OR2L5: variants seen among roughly 807,000 people sequenced by gnomAD.
The protein encoded by OR2L5 is olfactory receptor family 2 subfamily L member 5, also known as olfactory receptor 2L5.
For missense variants in OR2L5, 413 were observed against 381.6 expected (o/e 1.08, Z -0.69); for synonymous variants, 169 against 142.0 (o/e 1.19, Z -1.35).
intron 1 of OR2L5, among the ~76,000 whole-genome samples, chr1:248,017,442 T>G (rs942728872): frequency 6.6e-6 from 1 of 152,184 alleles, no homozygotes; most frequent in Admixed American, 6.5e-5. Flanking sequence ...GTTCAAGAGA[T>G]ATCGTAACGT....
chr1:248,015,340 G>A (rs1481428128), intron 1 of OR2L5, among the ~76,000 whole-genome samples: 1 of 152,180 alleles, frequency 6.6e-6, no homozygotes, highest in Non-Finnish European at 1.5e-5. Flanking sequence ...CCAGGATGCT[G>A]TGGAGAGCCG....
rs1662391762 is a variant in OR2L5 at position 248,023,234 on chromosome 1, A to T, written c.*348A>T. ...TTCCCATTATTATTAAAATAAGACA[A>T]AATAACAAATTATTTAAGATTACTG... On this transcript the variant is annotated 3_prime_UTR_variant, in exon 2 of 2. Transcript: ENST00000355281. The T allele has an allele frequency of 1.2e-5, 2 of 160,766 alleles. No individual in the cohort carries two copies. The highest frequency in any genetic ancestry group is 6.0e-5 in the Admixed American group (1 of 16,574). 10.0% of individuals were successfully genotyped at this position (160,766 alleles called of 1,614,324 possible). A position where few individuals can be genotyped will look rare whatever the true frequency, so the allele number is the denominator to read the frequency against.
intron 1 of OR2L5, among the ~76,000 whole-genome samples, chr1:248,018,631 T>G (rs906305234): frequency 1.3e-5 from 2 of 152,246 alleles, no homozygotes; most frequent in African/African-American, 4.8e-5. Context: ...TTTAAATGTT[T>G]TTAATTAGAG....
In OR2L5 at chr1:248,023,640, G is replaced by A. The variant is rs1399289580; in HGVS notation, c.*754G>A. The A allele has an allele frequency of 6.6e-6, 1 of 152,080 alleles. No individual in the cohort carries two copies. The highest frequency in any genetic ancestry group is 1.5e-5 in the Non-Finnish European group (1 of 68,020). The allele number at this position is 152,080 out of a possible 1,614,324, so 9.4% of individuals were successfully genotyped here. On this transcript the variant is annotated 3_prime_UTR_variant, in exon 2 of 2. Coordinates refer to ENST00000355281, the MANE Select transcript of OR2L5 (RefSeq NM_001258284.2). ...CAAAATCAGCAAGTCTATACATCTT[G>A]GATTGGGATCAACTCCTCTGCTCCA... is the stretch of plus-strand genomic sequence containing the variant.
chr1:248,022,421 C>G lies in OR2L5; in HGVS notation c.474C>G (p.His158Gln), dbSNP rs539758024. The G allele has an allele frequency of 1.2e-6, 2 of 1,614,200 alleles. No individual in the cohort carries two copies. The highest frequency in any genetic ancestry group is 4.5e-5 in the East Asian group (2 of 44,882). Reference sequence around the variant, plus strand: ...TAGGCTCCATCAACTCTTGTGCTCACACAGTATATGCATTCCGTATCCCAT... The same window carrying G: ...TAGGCTCCATCAACTCTTGTGCTCAGACAGTATATGCATTCCGTATCCCAT... ...WMIGSINSCA[H>Q]TVYAFRIPYC... is the part of the protein sequence containing the mutation. The change falls in exon 2 of 2, where the codon CAC (histidine) becomes CAG (glutamine). Residue 158 changes from histidine (H) to glutamine (Q), a missense_variant. Transcript: ENST00000355281.
intron 1 of OR2L5, among the ~76,000 whole-genome samples, chr1:248,016,261 G>A (rs1385012933): frequency 6.6e-6 from 1 of 152,172 alleles, no homozygotes; most frequent in Non-Finnish European, 1.5e-5. Flanking sequence ...TAATTATTAT[G>A]CTGAATATGT....
In OR2L5 at chr1:248,022,514, A is replaced by G. The variant is rs1662366045; in HGVS notation, c.567A>G (p.Thr189=). The G allele has an allele frequency of 1.9e-6, 3 of 1,614,082 alleles. No homozygotes were observed. The highest frequency in any genetic ancestry group is 3.3e-5 in the Admixed American group (2 of 60,004). Residue 189 remains threonine (T), a synonymous_variant, in exon 2 of 2, where the codon ACA becomes ACG. Coordinates refer to ENST00000355281, the MANE Select transcript of OR2L5 (RefSeq NM_001258284.2). ...CAGCTATGTTGACATTAGCCTGTAC[A>G]GACACCTGGGTCTATGAGTACACAG... is the stretch of plus-strand genomic sequence containing the variant. ...DVPAMLTLAC[T]DTWVYEYTVF...
At chr1:248,015,188 A>T (rs1662162523) in intron 1 of OR2L5, among the ~76,000 whole-genome samples, 1 of 152,208 alleles carries the variant, frequency 6.6e-6, no homozygotes, top group Non-Finnish European at 1.5e-5. Context: ...CTCAACAATT[A>T]AAAATACATA....
intron 1 of OR2L5, among the ~76,000 whole-genome samples, chr1:248,017,119 G>C (rs891364031): frequency 3.9e-5 from 6 of 152,020 alleles, no homozygotes; most frequent in African/African-American, 1.4e-4. Flanking sequence ...TCTTTTGTAT[G>C]ACATCATTAA....
chr1:248,015,906 G>C (rs1306602091), intron 1 of OR2L5, among the ~76,000 whole-genome samples: 1 of 152,004 alleles, frequency 6.6e-6, no homozygotes, highest in Non-Finnish European at 1.5e-5. Context: ...GAAAATATAG[G>C]GAAAATAAAT....
Position 248,021,299 on chromosome 1 carries a change from A to G in OR2L5, c.-21-628A>G, listed in dbSNP as rs547063036. On this transcript the variant is annotated intron_variant, in intron 1 of 1. Transcript: ENST00000355281. ...GATAGAGAATACGATTTTTTTTCTA[A>G]TTTGGAAAGATTAGTCATCTAAGAG... Among the ~76,000 whole-genome samples, 13 of 152,188 alleles carry G rather than the reference A, an allele frequency of 8.5e-5. No homozygotes were observed. In the East Asian group the frequency reaches 2.1e-3, roughly 25 times the overall value.
chr1:248,019,624 C>T (rs958528604), intron 1 of OR2L5, among the ~76,000 whole-genome samples: 2 of 152,012 alleles, frequency 1.3e-5, no homozygotes, highest in African/African-American at 4.8e-5. Flanking sequence ...TTGAAAACAC[C>T]GTCCCTTCCC....
intron 1 of OR2L5, among the ~76,000 whole-genome samples, chr1:248,018,028 C>G (rs188404691): frequency 0.032 from 4,881 of 151,582 alleles, 227 homozygotes; most frequent in African/African-American, 0.11. Flanking sequence ...GGTGGTGGGC[C>G]CCTGTAATCC....
At chr1:248,017,852 T>C (rs1175150204) in intron 1 of OR2L5, among the ~76,000 whole-genome samples, 1 of 152,142 alleles carries the variant, frequency 6.6e-6, no homozygotes, top group Non-Finnish European at 1.5e-5. Flanking sequence ...CCTTGTAGAA[T>C]GTGTCTGGTG....
At position 248,022,448 on chromosome 1, in the gene OR2L5, T is replaced by C. The variant is rs772492821; in HGVS notation, c.501T>C (p.Tyr167=). The C allele has an allele frequency of 1.1e-5, 18 of 1,614,254 alleles. No homozygotes were observed. Among genetic ancestry groups the C allele is most frequent in the Non-Finnish European group, 1.4e-5 (17 of 1,180,050 alleles). ...CAGTATATGCATTCCGTATCCCATA[T>C]TGCAAGTCCAGAGCCATCAATCATT... ...AHTVYAFRIP[Y]CKSRAINHFF... is the part of the protein sequence containing the mutation. The change falls in exon 2 of 2, where the codon TAT becomes TAC. Residue 167 remains tyrosine, a synonymous_variant. Coordinates refer to ENST00000355281, the MANE Select transcript of OR2L5 (RefSeq NM_001258284.2).
intron 1 of OR2L5, among the ~76,000 whole-genome samples, chr1:248,014,158 T>G (rs1418794946): frequency 6.6e-6 from 1 of 152,136 alleles, no homozygotes; most frequent in African/African-American, 2.4e-5. Flanking sequence ...TATATGATGC[T>G]TATAATAATC....
At chr1:248,017,834 C>A (rs956372096) in intron 1 of OR2L5, among the ~76,000 whole-genome samples, 1 of 152,242 alleles carries the variant, frequency 6.6e-6, no homozygotes, top group South Asian at 2.1e-4. Flanking sequence ...CAATGTCATA[C>A]AAACTTGCCT....
At position 248,022,255 on chromosome 1, in the gene OR2L5, T is replaced by G. The variant is rs759040674; in HGVS notation, c.308T>G (p.Phe103Cys). The change falls in exon 2 of 2, where the codon TTC becomes TGC. Residue 103 changes from phenylalanine to cysteine, a missense_variant. Phe to Cys is a radical substitution (Grantham distance 205). Transcript: ENST00000355281. Reference sequence around the variant, plus strand: ...GGGTGTGGGATTCAGAGTTTCTTCTTCATGACTTTTGCAGGTGCAGAAGCG... The same window carrying G: ...GGGTGTGGGATTCAGAGTTTCTTCTGCATGACTTTTGCAGGTGCAGAAGCG... ...FIGCGIQSFF[F>C]MTFAGAEALL... 6.2e-7 allele frequency: 1 copy of G among 1,614,212 alleles called. No individual in the cohort carries two copies. The highest frequency in any genetic ancestry group is 1.1e-5 in the South Asian group (1 of 91,086).
In OR2L5 at chr1:248,018,107, A is replaced by G. The variant is rs1164652342; in HGVS notation, c.-21-3820A>G. 5.3e-5 allele frequency among the ~76,000 whole-genome samples: 8 copies of G among 150,772 alleles called. No individual in the cohort carries two copies. In the East Asian group the frequency reaches 1.6e-3, roughly 30 times the overall value. On this transcript the variant is annotated intron_variant, in intron 1 of 1. Coordinates refer to ENST00000355281, the MANE Select transcript of OR2L5 (RefSeq NM_001258284.2). Reference sequence around the variant, plus strand: ...GAGGCGGAGCTTGCAGTGAGCCGAGATCACACCACTGCACTCCAGCCTAGG... The same window carrying G: ...GAGGCGGAGCTTGCAGTGAGCCGAGGTCACACCACTGCACTCCAGCCTAGG...
Sources: allele counts gnomAD v4.1 joint callset (sites outside exome capture counted in the v4.1 genomes callset), GRCh38; gene constraint gnomAD v4.1.1; transcripts MANE v1.5; gene names NCBI Gene and HGNC (gene_info 2026-07-23, HGNC 2026-07-21).